The following TTC3 variants were observed in gnomAD, a reference collection of about 807,000 sequenced individuals.
TTC3 encodes the protein tetratricopeptide repeat domain 3.
TTC3 carries 180 observed loss-of-function variants against 249.6 expected under a neutral mutation model. The observed-to-expected ratio is 0.72, with a 90% CI of 0.64 to 0.82. The LOEUF (loss-of-function observed/expected upper bound fraction) is 0.82, where lower values mean the gene tolerates loss of function less well. TTC3 is among the 40% of genes least tolerant of loss of function. The probability of loss-of-function intolerance (pLI) is 0.00; values close to 1 mark genes in which losing one functional copy is unlikely to be tolerated. For missense variants in TTC3, 2,061 were observed against 2,398.4 expected, an observed-to-expected ratio of 0.86 and a Z score of 2.94; for synonymous variants, 717 against 805.0, an observed-to-expected ratio of 0.89 and a Z score of 1.85.
chr21:37,190,011 T>TA (rs955506222), intron 39 of TTC3, among the ~76,000 whole-genome samples: 9 of 152,212 alleles, frequency 5.9e-5, no homozygotes, highest in Admixed American at 1.3e-4. Context: ...TTTGTGTTTT[T>TA]AATCCCAGGG....
rs749236256 is a variant in TTC3, at chr21:37,124,618, G to C, written c.1110-1G>C. On this transcript the variant is annotated splice_acceptor_variant, in intron 13 of 45. Transcript: ENST00000355666. LOFTEE classifies it high-confidence loss of function. ...AATAATTCCTTTTTTCCCCCACTTA[G>C]GGCCTACACACCTAGGAGTTTATCA... The C allele has an allele frequency of 6.2e-7, 1 of 1,609,512 alleles. No homozygotes were observed. Among genetic ancestry groups the C allele is most frequent in the Non-Finnish European group, 8.5e-7 (1 of 1,179,000 alleles).
chr21:37,154,301 C>T (rs150203774), intron 27 of TTC3, among the ~76,000 whole-genome samples: 2 of 152,270 alleles, frequency 1.3e-5, no homozygotes, highest in South Asian at 2.1e-4. Context: ...TGTTTAGAAA[C>T]GTGGGGCTAT....
chr21:37,106,612 C>T lies in TTC3; in HGVS notation c.846-1780C>T, dbSNP rs116453930. The stretch of plus-strand genomic sequence containing the variant: ...GTTCAAGATTCATATGGGCCAGGTG[C>T]GGTGGCTCATGCCTGTATTCCCAGC... On this transcript the variant is annotated intron_variant, in intron 10 of 45. Coordinates refer to ENST00000355666, the Ensembl canonical transcript of TTC3. Among the ~76,000 whole-genome samples, 351 of 152,234 alleles carry T rather than the reference C, an allele frequency of 2.3e-3. 1 individual carries two copies. Among genetic ancestry groups the T allele is most frequent in the African/African-American group, 7.1e-3 (295 of 41,532 alleles).
chr21:37,172,865 CTCAG>C, intron 35 of TTC3, 121 bp downstream of exon 35: 2 of 1,204,922 alleles, frequency 1.7e-6, no homozygotes, highest in South Asian at 3.4e-5. Context: ...AAGATTCTTT[CTCAG>C]AATCGCCTGC....
chr21:37,076,768 T>A (rs2070937414), intron 1 of TTC3, among the ~76,000 whole-genome samples: 1 of 139,284 alleles, frequency 7.2e-6, no homozygotes, highest in Admixed American at 8.2e-5. Context: ...AATGGCACGA[T>A]CTCGGCTCAC....
At chr21:37,098,308 G>A (rs115581911) in intron 10 of TTC3, 2 of 185,666 alleles carry the variant, frequency 1.1e-5, no homozygotes, top group East Asian at 2.8e-4. Flanking sequence ...TTGCCTGGCA[G>A]AAGGTTTTCC....
chr21:37,111,162 C>T (rs998525902), intron 11 of TTC3, among the ~76,000 whole-genome samples: 21 of 152,114 alleles, frequency 1.4e-4, no homozygotes. Context: ...AGCAAAATAA[C>T]CAGCTAACAT....
intron 23 of TTC3, 89 bp downstream of exon 23, chr21:37,148,736 C>A: frequency 1.3e-6 from 1 of 782,544 alleles, no homozygotes; most frequent in Non-Finnish European, 1.9e-6. Flanking sequence ...ACATTCTGCA[C>A]ATAATTAGAA....
intron 11 of TTC3, among the ~76,000 whole-genome samples, chr21:37,108,806 T>C (rs554487265): frequency 6.6e-6 from 1 of 152,148 alleles, no homozygotes. Flanking sequence ...TAACACACAG[T>C]GCACAAATCA....
At chr21:37,190,014 TC>T (rs1203652434) in intron 39 of TTC3, among the ~76,000 whole-genome samples, 1 of 152,138 alleles carries the variant, frequency 6.6e-6, no homozygotes, top group Non-Finnish European at 1.5e-5. Flanking sequence ...GTGTTTTTAA[TC>T]CCAGGGTTTT....
intron 14 of TTC3, 27 bp from the exon 15 acceptor site, chr21:37,126,053 T>C (rs778027040): frequency 6.3e-7 from 1 of 1,586,374 alleles, no homozygotes; most frequent in South Asian, 1.2e-5. Context: ...TTTTTTTTTT[T>C]TTAAGTCTCA....
At chr21:37,125,320 T>A (rs1032060584) in intron 14 of TTC3, among the ~76,000 whole-genome samples, 5 of 152,232 alleles carry the variant, frequency 3.3e-5, no homozygotes, top group Non-Finnish European at 7.3e-5. Context: ...TACTTCTTTC[T>A]CAAAACCAAA....
rs1182909688 is a variant in TTC3 at position 37,144,647 on chromosome 21, T to C, written c.1893+2T>C. On this transcript the variant is annotated splice_donor_variant, in intron 21 of 45. Coordinates refer to ENST00000355666, the Ensembl canonical transcript of TTC3. LOFTEE classifies it high-confidence loss of function. The stretch of plus-strand genomic sequence containing the variant: ...GAGTCTCAGCCACAAAAAATAAAGG[T>C]AACCATTTATTTTTGCAGAGTGTTT... The C allele has an allele frequency of 1.2e-6, 2 of 1,604,496 alleles. No individual in the cohort carries two copies. The highest frequency in any genetic ancestry group is 1.7e-6 in the Non-Finnish European group (2 of 1,176,512).
chr21:37,095,137 A>ATGTGTGTGTGTGTGTGTC (rs372505505), intron 8 of TTC3, among the ~76,000 whole-genome samples: 3 of 147,490 alleles, frequency 2.0e-5, no homozygotes, highest in Non-Finnish European at 4.5e-5. Flanking sequence ...CTCTAAAAAT[A>ATGTGTGTGTGTGTGTGTC]TGTGTGTGTG....
intron 36 of TTC3, among the ~76,000 whole-genome samples, chr21:37,184,508 G>C (rs1157117462): frequency 6.6e-6 from 1 of 151,536 alleles, no homozygotes; most frequent in South Asian, 2.1e-4. Context: ...AGCCTGGAGT[G>C]CAATGGTGCA....
chr21:37,104,588 C>CAAAAAAAAAAAAAAAAAAAAAAAAA lies in TTC3; in HGVS notation c.846-3783_846-3782insAAAAAAAAAAAAAAAAAAAAAAAAA, dbSNP rs141618903. On this transcript the variant is annotated intron_variant, in intron 10 of 45. Transcript: ENST00000355666. ...CTCGGCGACGAGCAAAACTCCGTCTCAAAAAAAAAAAAAAAAAAAAAGAAA... is the reference window on the plus strand; with the variant it reads ...CTCGGCGACGAGCAAAACTCCGTCTCAAAAAAAAAAAAAAAAAAAAAAAAAAAAAAAAAAAAAAAAAAAAAAGAAA... 5.3e-4 allele frequency among the ~76,000 whole-genome samples: 55 copies of CAAAAAAAAAAAAAAAAAAAAAAAAA among 104,290 alleles called. 1 individual carries two copies. The highest frequency in any genetic ancestry group is 7.3e-4 in the Admixed American group (7 of 9,638). The allele number at this position is 104,290 out of a possible 152,430, so 68.4% of individuals were successfully genotyped here.
chr21:37,197,461 C>A, intron 42 of TTC3, 109 bp from the exon 43 acceptor site: 1 of 1,311,230 alleles, frequency 7.6e-7, no homozygotes, highest in Non-Finnish European at 1.1e-6. Context: ...ATTTTATGTG[C>A]ATTTGTCTTT....
At chr21:37,085,607 T>A (rs1428421525) in intron 1 of TTC3, among the ~76,000 whole-genome samples, 1 of 152,158 alleles carries the variant, frequency 6.6e-6, no homozygotes, top group Non-Finnish European at 1.5e-5. Context: ...AATAAAGATT[T>A]AAGAACTGGT....
chr21:37,147,268 T>G (rs2079059728), intron 21 of TTC3, among the ~76,000 whole-genome samples: 1 of 152,182 alleles, frequency 6.6e-6, no homozygotes, highest in Admixed American at 6.5e-5. Context: ...AAAAATTTTG[T>G]CCAGTCCTCT....
Sources: allele counts gnomAD v4.1 joint callset (sites outside exome capture counted in the v4.1 genomes callset), GRCh38; gene constraint gnomAD v4.1.1; transcripts MANE v1.5; gene names NCBI Gene and HGNC (gene_info 2026-07-23, HGNC 2026-07-21).